Variants in GRK1 observed in about 807,000 individuals in gnomAD.
GRK1 encodes G protein-coupled receptor kinase 1.
GRK1 carries 28 observed loss-of-function variants against 41.7 expected under a neutral mutation model. That is an observed-to-expected ratio of 0.67 (90% CI 0.50 to 0.92). GRK1 has a LOEUF of 0.92. GRK1 is among the 40% of genes least tolerant of loss of function. The pLI, the probability that GRK1 is intolerant of heterozygous loss-of-function variation, is 0.00. For synonymous variants in GRK1, 327 were observed against 286.7 expected (o/e 1.14, Z -1.42); for missense variants, 703 against 671.2 (o/e 1.05, Z -0.52).
intron 4 of GRK1, among the ~76,000 whole-genome samples, chr13:113,727,257 G>A (rs1450175197): frequency 2.0e-5 from 3 of 152,270 alleles, no homozygotes; most frequent in Non-Finnish European, 4.4e-5. Context: ...CATCTGGAGG[G>A]AGGGCCCAGA....
chr13:113,733,057 G>A lies in GRK1; in HGVS notation c.1368G>A (p.Lys456=). The A allele has an allele frequency of 6.5e-7, 1 of 1,536,944 alleles. No homozygotes were observed. The highest frequency in any genetic ancestry group is 8.7e-7 in the Non-Finnish European group (1 of 1,146,862). ...AGCTCCGTGCCCACCCCCTCTTCAA[G>A]GACCTTAACTGGAGGCAGCTGGAGG... is the stretch of plus-strand genomic sequence containing the variant. The part of the protein sequence containing the change: ...CDKLRAHPLF[K]DLNWRQLEAG... The change falls in exon 6 of 7, where the codon AAG becomes AAA. Residue 456 remains lysine (K), a synonymous_variant. Transcript: ENST00000335678.
the GRK1 span, chr13:113,653,144 T>C: frequency 5.9e-6 from 9 of 1,537,496 alleles, no homozygotes; most frequent in South Asian, 9.8e-5. Context: ...GGGAAGGCCT[T>C]GCAAGCCCTG....
the GRK1 span, among the ~76,000 whole-genome samples, chr13:113,661,203 A>G: frequency 6.6e-6 from 1 of 152,196 alleles, no homozygotes; most frequent in Non-Finnish European, 1.5e-5. Flanking sequence ...AGATAACAGA[A>G]AAACCTCCAA....
the GRK1 span, among the ~76,000 whole-genome samples, chr13:113,654,501 T>C: frequency 6.6e-6 from 1 of 152,228 alleles, no homozygotes; most frequent in Non-Finnish European, 1.5e-5. Context: ...AAACTTTGTC[T>C]CTATAACAAA....
At chr13:113,734,980 G>C (rs2049991814) in intron 6 of GRK1, 88 bp from the exon 7 acceptor site, 1 of 1,291,826 alleles carries the variant, frequency 7.7e-7, no homozygotes, top group African/African-American at 1.5e-5. Context: ...TGTGCATCTG[G>C]GAGCCATGGG....
the GRK1 span, among the ~76,000 whole-genome samples, chr13:113,656,989 A>T: frequency 6.6e-6 from 1 of 152,076 alleles, no homozygotes; most frequent in African/African-American, 2.4e-5. Flanking sequence ...CTGCCTCTCT[A>T]GGAACGGGGT....
chr13:113,650,405 C>T, the GRK1 span: 1 of 1,613,674 alleles, frequency 6.2e-7, no homozygotes, highest in Non-Finnish European at 8.5e-7. The surrounding 1 kb of genome is among the most constrained non-coding windows in gnomAD (Gnocchi z 5.0). Context: ...AAGGAACCTA[C>T]CTGGGCTTTC....
intron 6 of GRK1, among the ~76,000 whole-genome samples, chr13:113,733,759 GTGTGTATGTGT>G (rs2049965948): frequency 1.7e-5 from 2 of 116,476 alleles, no homozygotes; most frequent in African/African-American, 6.4e-5. Context: ...ATGTGTGTGC[GTGTGTATGTGT>G]GTGCATACGT....
intron 2 of GRK1, among the ~76,000 whole-genome samples, chr13:113,670,022 G>C (rs564861430): frequency 3.6e-3 from 553 of 152,308 alleles, no homozygotes; most frequent in Non-Finnish European, 5.7e-3. Context: ...CCTGGGAGGC[G>C]CCCAACCTGA....
At chr13:113,654,310 T>C in the GRK1 span, among the ~76,000 whole-genome samples, 1 of 152,206 alleles carries the variant, frequency 6.6e-6, no homozygotes, top group East Asian at 1.9e-4. Flanking sequence ...GGGACGTCTG[T>C]CCTGTGGCCT....
At chr13:113,651,670 C>T in the GRK1 span, 1 of 1,612,468 alleles carries the variant, frequency 6.2e-7, no homozygotes, top group South Asian at 1.1e-5. Context: ...GCCGTACTCA[C>T]CAGGAAGGCG....
At chr13:113,653,377 A>G in the GRK1 span, 5 of 1,614,196 alleles carry the variant, frequency 3.1e-6, no homozygotes, top group Admixed American at 3.3e-5. Flanking sequence ...GTTATCAGAG[A>G]CGTTGTAGAC....
chr13:113,650,324 A>C, the GRK1 span: 1 of 1,314,754 alleles, frequency 7.6e-7, no homozygotes, highest in Non-Finnish European at 1.1e-6. This position sits in a 1 kb window ranked among gnomAD's most constrained non-coding sequence, Gnocchi z 5.0. Flanking sequence ...TTTCTACATG[A>C]AGGGGCTTAT....
chr13:113,667,560 TGA>T lies in GRK1; in HGVS notation c.178_179del (p.Ser60CysfsTer36). 7 of 1,613,596 alleles carry T rather than the reference TGA, an allele frequency of 4.3e-6. No homozygotes were observed. The highest frequency in any genetic ancestry group is 5.1e-6 in the Non-Finnish European group (6 of 1,179,878). ...TCCGCGACAGCCTCAGCCTGGAGTT[TGA>T]GAGTGTGTGCTTGGAGCAGCCCATC... ...SLRDSLSLEF[E>X]SVCLEQPIGK... On this transcript the variant is annotated frameshift_variant, in exon 1 of 7. Coordinates refer to ENST00000335678, the MANE Select transcript of GRK1 (RefSeq NM_002929.3). LOFTEE classifies it high-confidence loss of function. This position sits in a 1 kb window ranked among gnomAD's most constrained non-coding sequence, Gnocchi z 7.5.
intron 3 of GRK1, among the ~76,000 whole-genome samples, chr13:113,672,434 GTGTGTGGTA>G (rs2049864025): frequency 6.6e-6 from 1 of 151,538 alleles, no homozygotes; most frequent in Non-Finnish European, 1.5e-5. Flanking sequence ...GTGGTGTGGT[GTGTGTGGTA>G]TGTGTGGTAT....
intron 6 of GRK1, among the ~76,000 whole-genome samples, chr13:113,734,048 ATACG>A (rs2049983200): frequency 7.3e-6 from 1 of 137,036 alleles, no homozygotes; most frequent in African/African-American, 2.8e-5. Context: ...GTGTGTGTGC[ATACG>A]TGTGTGTGCA....
chr13:113,671,676 G>T lies in GRK1; in HGVS notation c.985+20G>T. On this transcript the variant is annotated intron_variant, in intron 3 of 6. Coordinates refer to ENST00000335678, the MANE Select transcript of GRK1 (RefSeq NM_002929.3). This position sits in a 1 kb window ranked among gnomAD's most constrained non-coding sequence, Gnocchi z 4.1. ...ATGACGGTAGGAGGTGCCCTCGGCT[G>T]GGAGGGATGAGGGCTACGAGGAGGG... 3 of 736,156 alleles carry T rather than the reference G, an allele frequency of 4.1e-6. No individual in the cohort carries two copies. Among genetic ancestry groups the T allele is most frequent in the Non-Finnish European group, 7.4e-6 (3 of 403,860 alleles). The allele number at this position is 736,156 out of a possible 1,614,324, so 45.6% of individuals were successfully genotyped here. A position where few individuals can be genotyped will look rare whatever the true frequency, so the allele number is the denominator to read the frequency against.
chr13:113,669,936 C>G lies in GRK1; in HGVS notation c.827+122C>G, dbSNP rs56832639. The G allele has an allele frequency of 2.4e-4, 282 of 1,177,760 alleles. No homozygotes were observed. In the East Asian group the frequency reaches 6.8e-3, roughly 29 times the overall value. 73.0% of individuals were successfully genotyped at this position (1,177,760 alleles called of 1,614,324 possible). ...GCCCCAGGCCTGCCCTCGAGGGAAG[C>G]CTTGCACCCATCACAATCCCCTTCT... On this transcript the variant is annotated intron_variant, in intron 2 of 6. Transcript: ENST00000335678.
chr13:113,655,593 C>T, the GRK1 span, among the ~76,000 whole-genome samples: 3 of 152,202 alleles, frequency 2.0e-5, no homozygotes, highest in African/African-American at 2.4e-5. Flanking sequence ...TGGCCATGGG[C>T]GGCTCCTGGA....
Sources: allele counts gnomAD v4.1 joint callset (sites outside exome capture counted in the v4.1 genomes callset), GRCh38; gene constraint gnomAD v4.1.1; non-coding constraint Gnocchi (gnomAD v3.1); transcripts MANE v1.5; gene names NCBI Gene and HGNC (gene_info 2026-07-23, HGNC 2026-07-21).